The following DGKG variants were observed in gnomAD, a reference collection of about 807,000 sequenced individuals.
The protein encoded by DGKG is diacylglycerol kinase gamma.
DGKG carries 78 observed loss-of-function variants against 105.3 expected under a neutral mutation model. That is an observed-to-expected ratio of 0.74 (90% CI 0.62 to 0.89). DGKG has a LOEUF of 0.89. DGKG is among the 40% of genes least tolerant of loss of function. DGKG has a pLI of 0.00. For missense variants in DGKG, 958 were observed against 1,020.1 expected, an observed-to-expected ratio of 0.94 and a Z score of 0.83; for synonymous variants, 346 against 367.1, an observed-to-expected ratio of 0.94 and a Z score of 0.66.
chr3:186,261,397 G>C (rs902883372), intron 15 of DGKG, among the ~76,000 whole-genome samples: 8 of 152,202 alleles, frequency 5.3e-5, no homozygotes, highest in African/African-American at 1.9e-4. Context: ...GAAAGGCACA[G>C]GCATCTCAGA....
chr3:186,265,305 T>C lies in DGKG; in HGVS notation c.1211A>G (p.Asp404Gly), dbSNP rs1362753842. 2 of 1,613,956 alleles carry C rather than the reference T, an allele frequency of 1.2e-6. No homozygotes were observed. The highest frequency in any genetic ancestry group is 3.3e-5 in the Admixed American group (2 of 60,014). The change falls in exon 14 of 25, where the codon GAC becomes GGC. Residue 404 changes from aspartate (D) to glycine (G), a missense_variant and splice_region_variant. By Grantham distance (94) the Asp-to-Gly change is moderately conservative (BLOSUM62 -1). Transcript: ENST00000265022. The stretch of plus-strand genomic sequence containing the variant: ...GCCATCAGACTTCTCACCTGGCCTG[T>C]CCTGTGACAAGAAAGGAAAGACAAG... ...LPTSICPITRDRPGEKSDGCV... is the reference protein window; with the variant it reads ...LPTSICPITRGRPGEKSDGCV...
intron 16 of DGKG, 103 bp from the exon 17 acceptor site, chr3:186,258,042 G>T: frequency 1.2e-6 from 1 of 836,046 alleles, no homozygotes; most frequent in Non-Finnish European, 2.0e-6. Flanking sequence ...AGTATGTTAA[G>T]ACCTCGATTC....
rs73885849 is a variant in DGKG, at chr3:186,333,279, G to A, written c.-248-12572C>T. 2.6e-3 allele frequency among the ~76,000 whole-genome samples: 402 copies of A among 152,288 alleles called. 2 individuals are homozygous for A. The highest frequency in any genetic ancestry group is 0.014 in the Middle Eastern group (4 of 294). ...AGCTAGAGAAATTCAGGGAGGGTCAGCAACCTGCCTGTGTTTTGTAATCAC... is the reference window on the plus strand; with the variant it reads ...AGCTAGAGAAATTCAGGGAGGGTCAACAACCTGCCTGTGTTTTGTAATCAC... On this transcript the variant is annotated intron_variant, in intron 1 of 24. Transcript: ENST00000265022.
intron 20 of DGKG, among the ~76,000 whole-genome samples, chr3:186,232,093 C>T (rs568046427): frequency 3.3e-5 from 5 of 152,232 alleles, no homozygotes; most frequent in East Asian, 1.9e-4. Flanking sequence ...TTACCCTGCA[C>T]GATAGTAGAG....
At chr3:186,201,139 G>GT (rs1291143805) in intron 21 of DGKG, among the ~76,000 whole-genome samples, 1 of 151,912 alleles carries the variant, frequency 6.6e-6, no homozygotes, top group East Asian at 1.9e-4. Context: ...CTCCCCAGGT[G>GT]TTTTTTTCTC....
rs558916848 is a variant in DGKG at position 186,191,742 on chromosome 3, G to A, written c.1918-3363C>T. 2.6e-5 allele frequency among the ~76,000 whole-genome samples: 4 copies of A among 152,326 alleles called. No homozygotes were observed. In the South Asian group the frequency reaches 8.3e-4, roughly 32 times the overall value. Reference sequence around the variant, plus strand: ...AGGCTCACAGGTCTGAATTGCTTTTGTGTATTCCTACCTGGTTGCATGCCC... The same window carrying A: ...AGGCTCACAGGTCTGAATTGCTTTTATGTATTCCTACCTGGTTGCATGCCC... On this transcript the variant is annotated intron_variant, in intron 21 of 24. Coordinates refer to ENST00000265022, the MANE Select transcript of DGKG (RefSeq NM_001346.3).
At chr3:186,262,932 G>A (rs1370005961) in intron 14 of DGKG, among the ~76,000 whole-genome samples, 1 of 152,164 alleles carries the variant, frequency 6.6e-6, no homozygotes, top group Admixed American at 6.5e-5. Context: ...TTCGAGACCA[G>A]CCTGGCCAAC....
chr3:186,157,527 C>T (rs1716091880), intron 24 of DGKG, among the ~76,000 whole-genome samples: 1 of 152,118 alleles, frequency 6.6e-6, no homozygotes, highest in Non-Finnish European at 1.5e-5. Flanking sequence ...AACAGTTCAC[C>T]TAAATACGTA....
At chr3:186,176,534 T>C (rs1373453795) in intron 22 of DGKG, among the ~76,000 whole-genome samples, 3 of 152,118 alleles carry the variant, frequency 2.0e-5, no homozygotes, top group African/African-American at 7.2e-5. Context: ...TGGGTCAGGG[T>C]TGGCCAGAAT....
At position 186,149,359 on chromosome 3, in the gene DGKG, G is replaced by A; in HGVS notation, c.*731C>T. The A allele has an allele frequency of 8.1e-6, 8 of 985,396 alleles. No individual in the cohort carries two copies. Among genetic ancestry groups the A allele is most frequent in the Non-Finnish European group, 9.6e-6 (8 of 829,936 alleles). The allele number at this position is 985,396 out of a possible 1,614,324, so 61.0% of individuals were successfully genotyped here. ...AGAAAATAAATACCACATCTAAGGT[G>A]TGCTATGCAGGCAGCTCTGGGGGCT... On this transcript the variant is annotated 3_prime_UTR_variant, in exon 25 of 25. Transcript: ENST00000265022.
At chr3:186,297,919 G>A (rs1723667208) in intron 4 of DGKG, 145 bp downstream of exon 4, 2 of 888,706 alleles carry the variant, frequency 2.3e-6, no homozygotes, top group Non-Finnish European at 3.4e-6. Context: ...GCACTATGAG[G>A]AAAGGCGTCC....
chr3:186,160,576 A>G (rs1300941984), intron 24 of DGKG: 2 of 985,330 alleles, frequency 2.0e-6, no homozygotes, highest in East Asian at 1.1e-4. Flanking sequence ...TTTTCTCAGC[A>G]GGTTCATGGA....
chr3:186,313,594 C>G (rs571844763), intron 2 of DGKG: 42 of 870,940 alleles, frequency 4.8e-5, no homozygotes, highest in Non-Finnish European at 5.7e-5. Context: ...GCATCAGCAT[C>G]ACCTGGGAGC....
At position 186,348,412 on chromosome 3, in the gene DGKG, T is replaced by C. The variant is rs181073520; in HGVS notation, c.-249+13534A>G. 1.4e-4 allele frequency among the ~76,000 whole-genome samples: 21 copies of C among 149,686 alleles called. No homozygotes were observed. In the East Asian group the frequency reaches 3.5e-3, roughly 25 times the overall value. On this transcript the variant is annotated intron_variant, in intron 1 of 24. Coordinates refer to ENST00000265022, the MANE Select transcript of DGKG (RefSeq NM_001346.3). ...CTTGTCTGAGAATAGCTTTTTTTTT[T>C]CTGTACAAATTACTGAATAGAGAAT...
At chr3:186,320,796 A>G in intron 1 of DGKG, 89 bp from the exon 2 acceptor site, 1 of 235,666 alleles carries the variant, frequency 4.2e-6, no homozygotes, top group Non-Finnish European at 8.2e-6. Context: ...ACAGGGGACA[A>G]TTGTTCAATG....
At chr3:186,326,463 C>G (rs143445976) in intron 1 of DGKG, among the ~76,000 whole-genome samples, 1 of 152,060 alleles carries the variant, frequency 6.6e-6, no homozygotes, top group Non-Finnish European at 1.5e-5. Flanking sequence ...CTCTCTCTCT[C>G]TCTCTCTCTC....
In DGKG at chr3:186,214,959, G is replaced by A. The variant is rs549604591; in HGVS notation, c.1827-3074C>T. 5.3e-5 allele frequency among the ~76,000 whole-genome samples: 8 copies of A among 152,310 alleles called. No individual in the cohort carries two copies. In the South Asian group the frequency reaches 1.0e-3, roughly 20 times the overall value. ...GGGAAGGTGGAGAAAGAGCATTTCA[G>A]GCAAAGAAAGAAGCTAGGCCATGGG... On this transcript the variant is annotated intron_variant, in intron 20 of 24. Coordinates refer to ENST00000265022, the MANE Select transcript of DGKG (RefSeq NM_001346.3).
chr3:186,161,889 G>T (rs1716308813), intron 23 of DGKG, among the ~76,000 whole-genome samples: 1 of 149,868 alleles, frequency 6.7e-6, no homozygotes, highest in Non-Finnish European at 1.5e-5. Flanking sequence ...TTCTGTGTCT[G>T]TGTGTGTGTG....
In DGKG at chr3:186,305,708, G is replaced by A. The variant is rs144639354; in HGVS notation, c.144+1193C>T. On this transcript the variant is annotated intron_variant, in intron 3 of 24. Coordinates refer to ENST00000265022, the MANE Select transcript of DGKG (RefSeq NM_001346.3). ...GATGACTCAGGTCGGGATGCTAGCA[G>A]TGCAAGTGGCGAGATGTGTCTATAT... Among the ~76,000 whole-genome samples, 523 of 152,312 alleles carry A rather than the reference G, an allele frequency of 3.4e-3. 7 individuals are homozygous for A. The highest frequency in any genetic ancestry group is 0.011 in the African/African-American group (471 of 41,588).
Sources: allele counts gnomAD v4.1 joint callset (sites outside exome capture counted in the v4.1 genomes callset), GRCh38; gene constraint gnomAD v4.1.1; transcripts MANE v1.5; gene names NCBI Gene and HGNC (gene_info 2026-07-23, HGNC 2026-07-21).